The following NDNF variants were observed in gnomAD, a reference collection of about 807,000 sequenced individuals.
The protein encoded by NDNF is neuron derived neurotrophic factor, also known as protein NDNF.
A neutral mutation model predicts 42.0 loss-of-function variants in NDNF; 16 were observed. The observed-to-expected ratio is 0.38, with a 90% CI of 0.26 to 0.58. NDNF has a LOEUF of 0.58. NDNF is among the 20% of genes least tolerant of loss of function. The pLI, the probability that NDNF is intolerant of heterozygous loss-of-function variation, is 0.67. For missense variants in NDNF, 616 were observed against 666.2 expected, an observed-to-expected ratio of 0.92 and a Z score of 0.83; for synonymous variants, 248 against 251.7, an observed-to-expected ratio of 0.99 and a Z score of 0.14.
Position 121,036,915 on chromosome 4 carries a change from A to T in NDNF, c.1056T>A (p.Asp352Glu). The change falls in exon 4 of 4, where the codon GAT becomes GAA. Residue 352 changes from aspartate to glutamate, a missense_variant. Asp to Glu is a conservative substitution (Grantham distance 45, BLOSUM62 2). Transcript: ENST00000379692. ...TTGCTCCCTTCCTTTTAACAAATACATCTGTTATCTTCCCATCTTTTAGCT... is the reference window on the plus strand; with the variant it reads ...TTGCTCCCTTCCTTTTAACAAATACTTCTGTTATCTTCCCATCTTTTAGCT... ...TVELKDGKIT[D>E]VFVKRKGAKF... The T allele has an allele frequency of 6.2e-7, 1 of 1,613,868 alleles. No homozygotes were observed. The highest frequency in any genetic ancestry group is 8.5e-7 in the Non-Finnish European group (1 of 1,179,972).
In NDNF at chr4:121,036,389, T is replaced by G; in HGVS notation, c.1582A>C (p.Thr528Pro). ...FHSQNLQKAV[T>P]TETIKGLQPG... ...TGAAGACCTTTAATTGTTTCTGTGG[T>G]CACTGCTTTCTGCAGGTTTTGACTG... The change falls in exon 4 of 4, where the codon ACC becomes CCC. Residue 528 changes from threonine (T) to proline (P), a missense_variant. Thr to Pro is a conservative substitution (Grantham distance 38). Coordinates refer to ENST00000379692, the MANE Select transcript of NDNF (RefSeq NM_024574.4). 1 of 1,614,200 alleles carries G rather than the reference T, an allele frequency of 6.2e-7. No individual in the cohort carries two copies. The highest frequency in any genetic ancestry group is 8.5e-7 in the Non-Finnish European group (1 of 1,180,036).
chr4:121,061,581 A>G (rs882045), intron 1 of NDNF: 132,526 of 152,252 alleles, frequency 0.87, 57,786 homozygotes, highest in Non-Finnish European at 0.89. Flanking sequence ...ACCTCTTCTC[A>G]TGTCTGAGTT....
In NDNF at chr4:121,045,762, C is replaced by A; in HGVS notation, c.76G>T (p.Asp26Tyr). ...ATCTGCATCTGAAAAAGTTCCTCAT[C>A]CCGGGTGGGTAACTTCTGGGTCCTT... ...SSRTQKLPTR[D>Y]EELFQMQIRD... is the part of the protein sequence containing the mutation. Residue 26 changes from aspartate to tyrosine, a missense_variant, in exon 2 of 4, where the codon GAT (aspartate) becomes TAT (tyrosine). Coordinates refer to ENST00000379692, the MANE Select transcript of NDNF (RefSeq NM_024574.4). 1 of 1,614,164 alleles carries A rather than the reference C, an allele frequency of 6.2e-7. No individual in the cohort carries two copies. Among genetic ancestry groups the A allele is most frequent in the Non-Finnish European group, 8.5e-7 (1 of 1,180,034 alleles).
At chr4:121,039,176 CTATGTGTGTGTGTGTGTATAT>C (rs1726941098) in intron 3 of NDNF, among the ~76,000 whole-genome samples, 1 of 13,372 alleles carries the variant, frequency 7.5e-5, no homozygotes, top group Non-Finnish European at 3.9e-4. Flanking sequence ...TATATAAAGA[CTATGTGTGTGTGTGTGTATAT>C]ATATATATAT....
At chr4:121,065,471 C>T (rs904824787) in intron 1 of NDNF, among the ~76,000 whole-genome samples, 1 of 151,940 alleles carries the variant, frequency 6.6e-6, no homozygotes, top group Non-Finnish European at 1.5e-5. Context: ...GTATCCTCCA[C>T]TTTACTGTAA....
intron 2 of NDNF, among the ~76,000 whole-genome samples, chr4:121,043,343 G>T (rs1284622126): frequency 1.3e-5 from 2 of 152,040 alleles, no homozygotes; most frequent in Non-Finnish European, 2.9e-5. Flanking sequence ...TCTTTTTTTA[G>T]TTGGAATATC....
Position 121,035,918 on chromosome 4 carries a change from G to C in NDNF, c.*346C>G. 1 of 179,810 alleles carries C rather than the reference G, an allele frequency of 5.6e-6. No individual in the cohort carries two copies. The highest frequency in any genetic ancestry group is 1.2e-5 in the Non-Finnish European group (1 of 85,620). 11.1% of individuals were successfully genotyped at this position (179,810 alleles called of 1,614,324 possible). A position where few individuals can be genotyped will look rare whatever the true frequency, so the allele number is the denominator to read the frequency against. On this transcript the variant is annotated 3_prime_UTR_variant, in exon 4 of 4. Transcript: ENST00000379692. ...CTACAGAGAGGAATGATTTGCATTT[G>C]TGGGTGTGTGCAATGAATGGCATAT... is the stretch of plus-strand genomic sequence containing the variant.
At chr4:121,053,202 A>G (rs1284505709) in intron 1 of NDNF, among the ~76,000 whole-genome samples, 3 of 152,234 alleles carry the variant, frequency 2.0e-5, no homozygotes, top group Non-Finnish European at 2.9e-5. Flanking sequence ...CTCCCTTAGC[A>G]CTTCTCTAAA....
chr4:121,065,605 T>C (rs1727486190), intron 1 of NDNF, among the ~76,000 whole-genome samples: 1 of 151,832 alleles, frequency 6.6e-6, no homozygotes, highest in Non-Finnish European at 1.5e-5. Flanking sequence ...CAGAGGTCTC[T>C]AAAAGGGGGT....
chr4:121,064,791 T>C (rs896912190), intron 1 of NDNF, among the ~76,000 whole-genome samples: 1 of 152,142 alleles, frequency 6.6e-6, no homozygotes, highest in Admixed American at 6.5e-5. Context: ...TATAATACAT[T>C]AAAAAATACT....
chr4:121,039,217 T>G (rs375404629), intron 3 of NDNF, among the ~76,000 whole-genome samples: 855 of 38,982 alleles, frequency 0.022, 121 homozygotes, highest in Non-Finnish European at 0.051. Context: ...TATATATATA[T>G]ATATATATAT....
At chr4:121,046,596 T>G (rs1227899086) in intron 1 of NDNF, among the ~76,000 whole-genome samples, 2 of 152,214 alleles carry the variant, frequency 1.3e-5, no homozygotes, top group Non-Finnish European at 2.9e-5. Flanking sequence ...CATATACACC[T>G]CTATCATTTT....
intron 2 of NDNF, among the ~76,000 whole-genome samples, chr4:121,043,548 A>G (rs28684717): frequency 1.2e-3 from 181 of 152,288 alleles, no homozygotes; most frequent in African/African-American, 4.3e-3. Flanking sequence ...AAATGAGAGA[A>G]ATAAAAAGAG....
rs370758713 is a variant in NDNF at position 121,039,213 on chromosome 4, T to A, written c.313+717A>T. 5.5e-3 allele frequency among the ~76,000 whole-genome samples: 293 copies of A among 53,462 alleles called. 8 individuals are homozygous for A. Among genetic ancestry groups the A allele is most frequent in the African/African-American group, 0.012 (275 of 23,326 alleles). The allele number at this position is 53,462 out of a possible 152,430, so 35.1% of individuals were successfully genotyped here. ...GTGTGTATATATATATATATATATA[T>A]ATATATATATATATATATATATAAA... On this transcript the variant is annotated intron_variant, in intron 3 of 3. Coordinates refer to ENST00000379692, the MANE Select transcript of NDNF (RefSeq NM_024574.4).
Position 121,036,460 on chromosome 4 carries a change from G to T in NDNF, c.1511C>A (p.Pro504Gln), listed in dbSNP as rs1286408531. 3 of 1,613,960 alleles carry T rather than the reference G, an allele frequency of 1.9e-6. No homozygotes were observed. The highest frequency in any genetic ancestry group is 1.1e-5 in the South Asian group (1 of 91,080). ...CTTTTCTGACTTCTTCCTTATATCT[G>T]GTCCTAGACATTGGTTTTGCTCTCT... The part of the protein sequence containing the change: ...KKREQNQCLG[P>Q]DIRKKSEKVL... Residue 504 changes from proline to glutamine, a missense_variant, in exon 4 of 4, where the codon CCA becomes CAA. Coordinates refer to ENST00000379692, the MANE Select transcript of NDNF (RefSeq NM_024574.4).
At chr4:121,055,957 T>C (rs538407187) in intron 1 of NDNF, among the ~76,000 whole-genome samples, 5 of 152,256 alleles carry the variant, frequency 3.3e-5, no homozygotes, top group African/African-American at 1.2e-4. Context: ...AAAGTGGTTG[T>C]TATGGTAAAT....
chr4:121,045,766 G>C lies in NDNF; in HGVS notation c.72C>G (p.Thr24=). 6.2e-7 allele frequency: 1 copy of C among 1,614,102 alleles called. No homozygotes were observed. Among genetic ancestry groups the C allele is most frequent in the South Asian group, 1.1e-5 (1 of 91,070 alleles). The change falls in exon 2 of 4, where the codon ACC becomes ACG. Residue 24 remains threonine (T), a synonymous_variant. Transcript: ENST00000379692. The part of the protein sequence containing the change: ...PLSSRTQKLP[T]RDEELFQMQI... ...GCATCTGAAAAAGTTCCTCATCCCGGGTGGGTAACTTCTGGGTCCTTGAGC... is the reference window on the plus strand; with the variant it reads ...GCATCTGAAAAAGTTCCTCATCCCGCGTGGGTAACTTCTGGGTCCTTGAGC...
At chr4:121,047,087 G>A (rs1430330326) in intron 1 of NDNF, among the ~76,000 whole-genome samples, 1 of 152,044 alleles carries the variant, frequency 6.6e-6, no homozygotes, top group Admixed American at 6.6e-5. Flanking sequence ...TTTTTAAATG[G>A]ACATTACTAT....
chr4:121,058,489 T>G (rs1286261882), intron 1 of NDNF, among the ~76,000 whole-genome samples: 1 of 152,148 alleles, frequency 6.6e-6, no homozygotes, highest in Non-Finnish European at 1.5e-5. Flanking sequence ...GGGCAGATGA[T>G]GCAACTGCTC....
Sources: allele counts gnomAD v4.1 joint callset (sites outside exome capture counted in the v4.1 genomes callset), GRCh38; gene constraint gnomAD v4.1.1; transcripts MANE v1.5; gene names NCBI Gene and HGNC (gene_info 2026-07-23, HGNC 2026-07-21).